The following PRNP variants were observed in gnomAD, a reference collection of about 807,000 sequenced individuals.
PRNP encodes the protein prion protein (Kanno blood group).
PRNP carries 15 observed loss-of-function variants against 21.3 expected under a neutral mutation model. The ratio of observed to expected loss-of-function variants is 0.71; its 90% CI spans 0.47 to 1.09. PRNP has a LOEUF of 1.09. Among genes scored for constraint, PRNP ranks in the 50% least tolerant of loss-of-function variants. PRNP has a pLI of 0.00. For synonymous variants in PRNP, 121 were observed against 123.1 expected (o/e 0.98, Z 0.11); for missense variants, 285 against 340.9 (o/e 0.84, Z 1.29).
At chr20:4,698,283 A>C (rs1213293730) in intron 1 of PRNP, among the ~76,000 whole-genome samples, 2 of 152,206 alleles carry the variant, frequency 1.3e-5, no homozygotes, top group African/African-American at 4.8e-5. Flanking sequence ...CATTTCAATA[A>C]TGTTAGTAGA....
Sources: allele counts gnomAD v4.1 joint callset (sites outside exome capture counted in the v4.1 genomes callset), GRCh38; gene constraint gnomAD v4.1.1; transcripts MANE v1.5; gene names NCBI Gene and HGNC (gene_info 2026-07-23, HGNC 2026-07-21).